The following BLTP1 variants were observed in gnomAD, a reference collection of about 807,000 sequenced individuals.
BLTP1 encodes the protein bridge-like lipid transfer protein family member 1, also known as fragile site-associated protein.
At chr4:122,202,320 T>G in the BLTP1 span, among the ~76,000 whole-genome samples, 1,451 of 152,246 alleles carry the variant, frequency 9.5e-3, 16 homozygotes, top group Non-Finnish European at 0.014. Flanking sequence ...CTAAAACTTA[T>G]AGTGTTTATT....
the BLTP1 span, among the ~76,000 whole-genome samples, chr4:122,312,460 A>C: frequency 6.6e-6 from 1 of 152,194 alleles, no homozygotes; most frequent in Non-Finnish European, 1.5e-5. Context: ...TTCAGATTTC[A>C]AAGGGTTTTC....
the BLTP1 span, chr4:122,341,683 G>A: frequency 9.1e-6 from 9 of 983,944 alleles, no homozygotes; most frequent in Non-Finnish European, 1.1e-5. Flanking sequence ...TATAGGTTGC[G>A]ACAATATCCA....
the BLTP1 span, chr4:122,316,699 G>T: frequency 4.4e-6 from 7 of 1,588,612 alleles, no homozygotes; most frequent in African/African-American, 2.7e-5. Context: ...TGACTTGAGG[G>T]TGGTATTGAC....
chr4:122,308,076 A>T, the BLTP1 span: 10 of 1,613,548 alleles, frequency 6.2e-6, no homozygotes, highest in Non-Finnish European at 7.6e-6. Flanking sequence ...TCCAGCAAAC[A>T]TCAGCCCAGG....
At chr4:122,164,664 A>G in the BLTP1 span, among the ~76,000 whole-genome samples, 1 of 152,052 alleles carries the variant, frequency 6.6e-6, no homozygotes, top group Admixed American at 6.6e-5. Flanking sequence ...GTGACTATAT[A>G]GAATTTTGTT....
the BLTP1 span, chr4:122,269,148 A>G: frequency 4.0e-6 from 3 of 759,424 alleles, no homozygotes; most frequent in Non-Finnish European, 4.8e-6. Flanking sequence ...CAGCTTTCAT[A>G]CAAATATATC....
At chr4:122,169,581 T>G in the BLTP1 span, 16 of 927,260 alleles carry the variant, frequency 1.7e-5, no homozygotes, top group Non-Finnish European at 2.1e-5. Context: ...TTTTCTTGTT[T>G]CTTGGATCAT....
chr4:122,168,427 G>T, the BLTP1 span, among the ~76,000 whole-genome samples: 4 of 152,118 alleles, frequency 2.6e-5, no homozygotes, highest in Non-Finnish European at 4.4e-5. Flanking sequence ...TTCCTCCTTA[G>T]TGATGTGCTG....
the BLTP1 span, among the ~76,000 whole-genome samples, chr4:122,215,808 A>C: frequency 6.6e-6 from 1 of 151,384 alleles, no homozygotes; most frequent in Non-Finnish European, 1.5e-5. Context: ...TGTACACTAT[A>C]CTCAACGTGT....
At chr4:122,220,417 A>C in the BLTP1 span, 1 of 1,612,234 alleles carries the variant, frequency 6.2e-7, no homozygotes, top group East Asian at 2.2e-5. Context: ...TAGGGAGACC[A>C]TGCTGCAACT....
chr4:122,344,061 A>G, the BLTP1 span: 1 of 905,194 alleles, frequency 1.1e-6, no homozygotes, highest in Non-Finnish European at 1.3e-6. Flanking sequence ...AAACACTGCA[A>G]ATGCATAAAA....
At chr4:122,218,279 T>C in the BLTP1 span, among the ~76,000 whole-genome samples, 1 of 152,168 alleles carries the variant, frequency 6.6e-6, no homozygotes, top group Non-Finnish European at 1.5e-5. Flanking sequence ...TTTTCTGTTA[T>C]ATTTGTGCAT....
chr4:122,152,942 A>G, the BLTP1 span: 7 of 958,230 alleles, frequency 7.3e-6, no homozygotes, highest in African/African-American at 5.3e-5. Flanking sequence ...ACTGGGTTGT[A>G]GTAGACCCCA....
the BLTP1 span, chr4:122,234,889 A>G: frequency 1.2e-6 from 2 of 1,613,738 alleles, no homozygotes; most frequent in Non-Finnish European, 1.7e-6. Flanking sequence ...GATTTCTTCA[A>G]ACTTGAAGAG....
chr4:122,277,040 G>C, the BLTP1 span: 1 of 985,010 alleles, frequency 1.0e-6, no homozygotes, highest in Admixed American at 6.1e-5. Flanking sequence ...GCCAAATTTA[G>C]TGATTGTCAA....
At chr4:122,296,940 A>G in the BLTP1 span, among the ~76,000 whole-genome samples, 1 of 152,220 alleles carries the variant, frequency 6.6e-6, no homozygotes, top group African/African-American at 2.4e-5. Flanking sequence ...TAAAGACTTA[A>G]ATGTAAAACC....
At chr4:122,359,544 A>G in the BLTP1 span, 62 of 1,606,172 alleles carry the variant, frequency 3.9e-5, no homozygotes, top group Non-Finnish European at 4.9e-5. Context: ...ACTAATCTAA[A>G]TTTTCCTTAT....
the BLTP1 span, chr4:122,196,592 G>A: frequency 1.3e-6 from 2 of 1,502,822 alleles, no homozygotes; most frequent in Non-Finnish European, 1.8e-6. Flanking sequence ...AAGTAATTTT[G>A]TTTGAATAAC....
the BLTP1 span, chr4:122,304,708 T>A: frequency 6.6e-7 from 1 of 1,516,506 alleles, no homozygotes; most frequent in South Asian, 1.3e-5. Flanking sequence ...ACGACTATTT[T>A]ATTTATCATA....
Sources: gnomAD v4.1 joint callset for allele counts (sites outside exome capture counted in the v4.1 genomes callset) on GRCh38, gnomAD v4.1.1 for gene constraint, MANE v1.5 for transcripts, NCBI Gene and HGNC (gene_info 2026-07-23, HGNC 2026-07-21) for gene names.